The following DMD variants were observed in gnomAD, a reference collection of about 807,000 sequenced individuals.
DMD encodes the protein dystrophin.
A neutral mutation model predicts 330.1 loss-of-function variants in DMD; 63 were observed. The observed-to-expected ratio is 0.19, with a 90% CI of 0.16 to 0.24. The LOEUF is 0.24. Among genes scored for constraint, DMD ranks in the 10% least tolerant of loss-of-function variants. DMD has a pLI of 1.00. For synonymous variants in DMD, 1,223 were observed against 959.8 expected, an observed-to-expected ratio of 1.27 and a Z score of -5.07; for missense variants, 3,344 against 2,684.1, an observed-to-expected ratio of 1.25 and a Z score of -5.43.
At chrX:32,165,454 C>T (rs931576212) in intron 44 of DMD, among the ~76,000 whole-genome samples, 2 of 112,512 alleles carry the variant, frequency 1.8e-5, no homozygotes, top group African/African-American at 6.5e-5. Context: ...TTCATTTTGG[C>T]TAATTTCTCC....
chrX:32,997,096 A>G (rs1231670297), intron 2 of DMD, among the ~76,000 whole-genome samples: 1 of 111,361 alleles, frequency 9.0e-6, no homozygotes, highest in African/African-American at 3.3e-5. Context: ...TAGTGAAACC[A>G]TCACTCCAAT....
intron 60 of DMD, among the ~76,000 whole-genome samples, chrX:31,349,097 T>C (rs1230553684): frequency 8.9e-6 from 1 of 112,321 alleles, no homozygotes; most frequent in Non-Finnish European, 1.9e-5. Context: ...TAATAAATCA[T>C]TGAGTGATAT....
At chrX:32,414,155 T>C (rs1339658259) in intron 29 of DMD, among the ~76,000 whole-genome samples, 2 of 111,635 alleles carry the variant, frequency 1.8e-5, no homozygotes, top group Non-Finnish European at 3.8e-5. Flanking sequence ...TCTTGATTCT[T>C]GGCCTTAAAC....
chrX:31,799,372 G>C (rs2091964249), intron 50 of DMD, among the ~76,000 whole-genome samples: 1 of 111,620 alleles, frequency 9.0e-6, no homozygotes, highest in Admixed American at 9.5e-5. Flanking sequence ...TCTTCACAGG[G>C]TGGCAGGAGG....
At chrX:33,206,304 T>C (rs60170348) in intron 1 of DMD, among the ~76,000 whole-genome samples, 1,712 of 111,921 alleles carry the variant, frequency 0.015, 32 homozygotes, top group African/African-American at 0.053. Context: ...AAATGGTATG[T>C]AATCAAAATA....
rs2072448184 is a variant in DMD at position 32,762,474 on chromosome X, T to TCAAA, written c.649+47015_649+47018dup. 7.2e-5 allele frequency among the ~76,000 whole-genome samples: 8 copies of TCAAA among 111,306 alleles called. No homozygotes were observed. The South Asian group carries it at 3.1e-3, about 43-fold the overall frequency. ...AGCAGAGAAGAAATAAGCTAGATAA[T>TCAAA]CAAACAAGGTAATTTCAGATAATGA... On this transcript the variant is annotated intron_variant, in intron 7 of 78. Transcript: ENST00000357033.
chrX:32,461,556 A>G (rs1282199212), intron 25 of DMD, among the ~76,000 whole-genome samples: 1 of 111,306 alleles, frequency 9.0e-6, no homozygotes, highest in Non-Finnish European at 1.9e-5. Context: ...TAACAGACAT[A>G]AGGTCTTAAG....
At chrX:32,842,584 T>A (rs1309689624) in intron 4 of DMD, among the ~76,000 whole-genome samples, 1 of 110,664 alleles carries the variant, frequency 9.0e-6, no homozygotes, top group Admixed American at 9.6e-5. Context: ...AGTCTCAAAG[T>A]TCCCCAGCAC....
At chrX:32,897,880 C>A (rs1318338840) in intron 2 of DMD, among the ~76,000 whole-genome samples, 3 of 108,800 alleles carry the variant, frequency 2.8e-5, no homozygotes, top group Non-Finnish European at 5.8e-5. Flanking sequence ...TAATGAGAAT[C>A]TCATAGTATT....
intron 43 of DMD, among the ~76,000 whole-genome samples, chrX:32,239,166 C>T (rs66997314): frequency 0.25 from 27,330 of 110,385 alleles, 3,354 homozygotes; most frequent in African/African-American, 0.47. Flanking sequence ...AAAAGGTCTC[C>T]GTACATTGTC....
chrX:32,953,777 G>A (rs544411564), intron 2 of DMD, among the ~76,000 whole-genome samples: 7 of 112,213 alleles, frequency 6.2e-5, no homozygotes, highest in Admixed American at 1.9e-4. Flanking sequence ...AGACATGTGC[G>A]GAAACTAGGA....
Position 32,698,014 on chromosome X carries a change from T to C in DMD, c.832-16A>G, listed in dbSNP as rs781402243. ...TGACCGTGATCTGCAGAGAAGGGTT[T>C]GGGGGAGTGGATAGAGAGGAGGGGG... On this transcript the variant is annotated splice_polypyrimidine_tract_variant and intron_variant, in intron 8 of 78. Coordinates refer to ENST00000357033, the MANE Select transcript of DMD (RefSeq NM_004006.3). 3.4e-5 allele frequency: 40 copies of C among 1,179,559 alleles called. No homozygotes were observed. The highest frequency in any genetic ancestry group is 4.4e-5 in the Non-Finnish European group (39 of 879,826).
chrX:31,252,312 C>T (rs373705934), intron 63 of DMD, among the ~76,000 whole-genome samples: 290 of 112,113 alleles, frequency 2.6e-3, no homozygotes, highest in Non-Finnish European at 4.3e-3. Context: ...ATATGGATTC[C>T]AGTTTAATTA....
chrX:31,622,552 A>G (rs1273066735), intron 55 of DMD, among the ~76,000 whole-genome samples: 2 of 110,236 alleles, frequency 1.8e-5, no homozygotes, highest in African/African-American at 6.6e-5. Context: ...CCTTATAACA[A>G]GAGGAAGTGT....
chrX:32,007,172 A>T (rs960256132), intron 44 of DMD, among the ~76,000 whole-genome samples: 2 of 104,518 alleles, frequency 1.9e-5, no homozygotes, highest in Non-Finnish European at 3.9e-5. Flanking sequence ...ATACATATGT[A>T]ACTAACCTGC....
intron 7 of DMD, among the ~76,000 whole-genome samples, chrX:32,771,262 T>G (rs2148460728): frequency 8.9e-6 from 1 of 112,200 alleles, no homozygotes; most frequent in African/African-American, 3.2e-5. Flanking sequence ...AATATTTCTA[T>G]AATTTTGAAG....
chrX:32,476,363 G>C (rs748651829), intron 21 of DMD, among the ~76,000 whole-genome samples: 1 of 110,943 alleles, frequency 9.0e-6, no homozygotes, highest in Non-Finnish European at 1.9e-5. Context: ...CCTCATCCTA[G>C]TTTTGTATTA....
At chrX:31,717,829 A>T (rs2085172670) in intron 52 of DMD, among the ~76,000 whole-genome samples, 1 of 112,293 alleles carries the variant, frequency 8.9e-6, no homozygotes, top group Non-Finnish European at 1.9e-5. Flanking sequence ...GTTTGAACAG[A>T]CAATTTTCTG....
chrX:32,367,762 CCTT>C (rs968411428), intron 34 of DMD, among the ~76,000 whole-genome samples: 19 of 111,783 alleles, frequency 1.7e-4, no homozygotes, highest in Non-Finnish European at 1.1e-4. Flanking sequence ...ATTTCTAGTG[CCTT>C]CTTAAGTTCC....
Sources: gnomAD v4.1 joint callset for allele counts (sites outside exome capture counted in the v4.1 genomes callset) on GRCh38, gnomAD v4.1.1 for gene constraint, MANE v1.5 for transcripts, NCBI Gene and HGNC (gene_info 2026-07-23, HGNC 2026-07-21) for gene names.